The following HIBCH variants were observed in gnomAD, a reference collection of about 807,000 sequenced individuals.
HIBCH encodes 3-hydroxyisobutyryl-CoA hydrolase.
HIBCH carries 50 observed loss-of-function variants against 58.2 expected under a neutral mutation model. The observed-to-expected ratio is 0.86, with a 90% CI of 0.68 to 1.09. The LOEUF is 1.09. HIBCH is among the 50% of genes least tolerant of loss of function. The pLI, the probability that HIBCH is intolerant of heterozygous loss-of-function variation, is 0.00. For synonymous variants in HIBCH, 151 were observed against 146.9 expected (o/e 1.03, Z -0.20); for missense variants, 450 against 449.7 (o/e 1.00, Z -0.01).
intron 9 of HIBCH, among the ~76,000 whole-genome samples, chr2:190,246,935 C>A (rs1396723284): frequency 6.6e-6 from 1 of 151,934 alleles, no homozygotes; most frequent in Non-Finnish European, 1.5e-5. Context: ...ATTGGACTAA[C>A]TCTGAGTTAG....
At chr2:190,290,545 G>T in intron 4 of HIBCH, 60 bp from the exon 5 acceptor site, 2 of 1,071,170 alleles carry the variant, frequency 1.9e-6, no homozygotes, top group South Asian at 1.3e-5. Flanking sequence ...TTGTCAACTA[G>T]ATCAAAAGTA....
chr2:190,200,099 A>G, downstream of HIBCH: 1 of 1,614,078 alleles, frequency 6.2e-7, no homozygotes. Flanking sequence ...TGGGCATGCA[A>G]TAACATCAAG....
At chr2:190,213,242 C>A in intron 11 of HIBCH, 167 bp from the exon 12 acceptor site, 1 of 594,594 alleles carries the variant, frequency 1.7e-6, no homozygotes. Context: ...TTCTAATCTG[C>A]TACAAAAACA....
chr2:190,242,674 G>C (rs1465610863), intron 11 of HIBCH, among the ~76,000 whole-genome samples: 3 of 152,154 alleles, frequency 2.0e-5, no homozygotes, highest in African/African-American at 4.8e-5. Flanking sequence ...TGGGTAGTAG[G>C]AGGAGGTAGT....
Position 190,217,124 on chromosome 2 carries a change from G to A in HIBCH, c.892-4049C>T, listed in dbSNP as rs1010971811. The stretch of plus-strand genomic sequence containing the variant: ...CCCAGTGCCAGACCCAGCAGGGCCC[G>A]ACCAAAGGCACCCTGGGAAGCCAGC... On this transcript the variant is annotated intron_variant, in intron 11 of 13. Transcript: ENST00000359678. The surrounding 1 kb of genome is among the most constrained non-coding windows in gnomAD (Gnocchi z 4.6). 5.3e-5 allele frequency among the ~76,000 whole-genome samples: 8 copies of A among 152,188 alleles called. No individual in the cohort carries two copies. Among genetic ancestry groups the A allele is most frequent in the Non-Finnish European group, 8.8e-5 (6 of 68,032 alleles).
chr2:190,311,179 T>A (rs1293699775), intron 1 of HIBCH, among the ~76,000 whole-genome samples: 1 of 152,114 alleles, frequency 6.6e-6, no homozygotes, highest in Non-Finnish European at 1.5e-5. Context: ...AAGAAGCCAG[T>A]CTGAAAAGGC....
chr2:190,244,185 G>A (rs1039693118), intron 11 of HIBCH, among the ~76,000 whole-genome samples: 1 of 151,920 alleles, frequency 6.6e-6, no homozygotes, highest in Admixed American at 6.6e-5. Context: ...AATGCTATCA[G>A]ATGAAGACAA....
intron 11 of HIBCH, among the ~76,000 whole-genome samples, chr2:190,225,279 C>A (rs1477187255): frequency 6.6e-6 from 1 of 152,100 alleles, no homozygotes; most frequent in East Asian, 1.9e-4. Context: ...CAGAGCAGAA[C>A]TGAAGGAAAT....
chr2:190,191,146 T>C (rs550541776), intron 1 of HIBCH, among the ~76,000 whole-genome samples: 6 of 152,246 alleles, frequency 3.9e-5, no homozygotes, highest in African/African-American at 1.4e-4. Context: ...ATTTTTTTTC[T>C]TTATTTTTTG....
At chr2:190,260,086 T>G (rs577414932) in intron 7 of HIBCH, among the ~76,000 whole-genome samples, 19 of 152,194 alleles carry the variant, frequency 1.2e-4, no homozygotes, top group African/African-American at 3.4e-4. Context: ...GAGAAAGAAA[T>G]AAAAGGTATC....
At chr2:190,246,122 G>A (rs1686599061) in intron 10 of HIBCH, 32 bp downstream of exon 10, 1 of 1,237,446 alleles carries the variant, frequency 8.1e-7, no homozygotes, top group Non-Finnish European at 1.2e-6. Context: ...TCTTTCTAAA[G>A]GAATATATAA....
chr2:190,265,117 C>T (rs1274354621), intron 6 of HIBCH, among the ~76,000 whole-genome samples: 2 of 98,426 alleles, frequency 2.0e-5, no homozygotes, highest in African/African-American at 1.2e-4. Flanking sequence ...AGCAAGACTC[C>T]GTCTCAAAAA....
intron 2 of HIBCH, among the ~76,000 whole-genome samples, chr2:190,305,431 A>G (rs1002864834): frequency 3.3e-5 from 5 of 152,194 alleles, no homozygotes; most frequent in African/African-American, 4.8e-5. Flanking sequence ...TTGTGGCAGC[A>G]TAACTCCAAT....
rs866064661 is a variant in HIBCH at position 190,236,715 on chromosome 2, G to C, written c.891+8172C>G. Reference sequence around the variant, plus strand: ...CTACAATAAAAGGCTTAGAGCCAGTGCAAGAAGGCTGCCTTTTGCAACCTG... The same window carrying C: ...CTACAATAAAAGGCTTAGAGCCAGTCCAAGAAGGCTGCCTTTTGCAACCTG... On this transcript the variant is annotated intron_variant, in intron 11 of 13. Transcript: ENST00000359678. This position sits in a 1 kb window ranked among gnomAD's most constrained non-coding sequence, Gnocchi z 4.1. Among the ~76,000 whole-genome samples the C allele has an allele frequency of 2.6e-5, 4 of 152,270 alleles. No individual in the cohort carries two copies. The highest frequency in any genetic ancestry group is 2.1e-4 in the South Asian group (1 of 4,826).
chr2:190,194,805 G>C (rs1231847698), intron 1 of HIBCH, among the ~76,000 whole-genome samples: 1 of 151,864 alleles, frequency 6.6e-6, no homozygotes, highest in Non-Finnish European at 1.5e-5. Flanking sequence ...CTTTCAGATT[G>C]GCTTAACTTA....
intron 5 of HIBCH, 116 bp downstream of exon 5, chr2:190,290,289 C>T: frequency 2.7e-6 from 2 of 740,066 alleles, no homozygotes; most frequent in South Asian, 1.5e-5. Context: ...TTATGCCTGG[C>T]ACATGGTATT....
chr2:190,190,197 A>C (rs903952765), intron 1 of HIBCH, among the ~76,000 whole-genome samples: 2 of 152,194 alleles, frequency 1.3e-5, no homozygotes, highest in African/African-American at 4.8e-5. Context: ...ATAGCCTAGA[A>C]AGTTATTTCA....
intron 2 of HIBCH, among the ~76,000 whole-genome samples, chr2:190,300,409 TG>T (rs1488047887): frequency 6.6e-6 from 1 of 152,184 alleles, no homozygotes; most frequent in Non-Finnish European, 1.5e-5. Context: ...ATTTCTCTAA[TG>T]ATCAGTGATA....
At chr2:190,270,614 T>C (rs1480785979) in intron 6 of HIBCH, among the ~76,000 whole-genome samples, 2 of 152,232 alleles carry the variant, frequency 1.3e-5, no homozygotes, top group African/African-American at 2.4e-5. Flanking sequence ...TCACTCAGGA[T>C]AAATGATGCT....
Sources: allele counts gnomAD v4.1 joint callset (sites outside exome capture counted in the v4.1 genomes callset), GRCh38; gene constraint gnomAD v4.1.1; non-coding constraint Gnocchi (gnomAD v3.1); transcripts MANE v1.5; gene names NCBI Gene and HGNC (gene_info 2026-07-23, HGNC 2026-07-21).